The following NUBPL variants were observed in gnomAD, a reference collection of about 807,000 sequenced individuals.
The protein encoded by NUBPL is iron-sulfur cluster transfer protein NUBPL.
In NUBPL, 31 loss-of-function variants were observed where a neutral mutation model predicts 45.7. That is an observed-to-expected ratio of 0.68 (90% confidence interval 0.51 to 0.92). The LOEUF (loss-of-function observed/expected upper bound fraction) is 0.92. Ranked by LOEUF, NUBPL falls within the 40% of genes least tolerant of loss-of-function variation. NUBPL has a pLI of 0.00. For synonymous variants in NUBPL, 144 were observed against 140.9 expected, an observed-to-expected ratio of 1.02 and a Z score of -0.15; for missense variants, 401 against 398.7, an observed-to-expected ratio of 1.01 and a Z score of -0.05.
At chr14:31,844,615 T>A (rs936006569) in intron 8 of NUBPL, 1 of 150,318 alleles carries the variant, frequency 6.7e-6, no homozygotes, top group African/African-American at 2.4e-5. Flanking sequence ...CAACTTTAGT[T>A]TTTTCTATTT....
intron 3 of NUBPL, among the ~76,000 whole-genome samples, chr14:31,566,425 G>A (rs2033435218): frequency 2.6e-5 from 4 of 152,092 alleles, no homozygotes; most frequent in African/African-American, 9.7e-5. Context: ...AGAAAGAGAA[G>A]ATTCAAATAT....
intron 2 of NUBPL, among the ~76,000 whole-genome samples, chr14:31,564,152 G>A (rs1180889227): frequency 6.6e-6 from 1 of 152,170 alleles, no homozygotes; most frequent in East Asian, 1.9e-4. Flanking sequence ...TTGTTGATCA[G>A]TCTTTGAATT....
At chr14:31,580,584 A>T (rs1427676953) in intron 3 of NUBPL, among the ~76,000 whole-genome samples, 1 of 152,228 alleles carries the variant, frequency 6.6e-6, no homozygotes. Context: ...ACTGTGCTAC[A>T]GCCTGGGCAA....
chr14:31,813,438 TAC>T (rs34598831), intron 7 of NUBPL, among the ~76,000 whole-genome samples: 14,423 of 148,168 alleles, frequency 0.097, 684 homozygotes, highest in East Asian at 0.11. Flanking sequence ...TTTTTTGCTA[TAC>T]ACACACACAC....
intron 9 of NUBPL, among the ~76,000 whole-genome samples, chr14:31,848,080 T>C (rs960820521): frequency 4.6e-5 from 7 of 152,240 alleles, no homozygotes; most frequent in Non-Finnish European, 1.0e-4. Flanking sequence ...AACAATGGTA[T>C]GTATGGAAGT....
intron 4 of NUBPL, among the ~76,000 whole-genome samples, chr14:31,613,829 C>T (rs116188386): frequency 6.6e-6 from 1 of 152,080 alleles, no homozygotes; most frequent in East Asian, 1.9e-4. Flanking sequence ...GTGATTATTA[C>T]ACATTGTATG....
intron 3 of NUBPL, among the ~76,000 whole-genome samples, chr14:31,565,324 G>C (rs765366612): frequency 3.9e-5 from 6 of 152,072 alleles, no homozygotes; most frequent in Non-Finnish European, 7.4e-5. Flanking sequence ...ATTTACAGAA[G>C]CATTATTCTG....
At chr14:31,666,387 C>T (rs2036428107) in intron 4 of NUBPL, among the ~76,000 whole-genome samples, 1 of 151,646 alleles carries the variant, frequency 6.6e-6, no homozygotes, top group African/African-American at 2.4e-5. Flanking sequence ...GCTACAGCCT[C>T]CTGAGTAGCT....
intron 4 of NUBPL, among the ~76,000 whole-genome samples, chr14:31,646,748 A>G (rs1316936026): frequency 6.6e-6 from 1 of 151,722 alleles, no homozygotes; most frequent in Non-Finnish European, 1.5e-5. Flanking sequence ...GGATATTTAT[A>G]TCTTTGTAGC....
At chr14:31,656,636 CA>C (rs1764300548) in intron 4 of NUBPL, among the ~76,000 whole-genome samples, 1 of 152,114 alleles carries the variant, frequency 6.6e-6, no homozygotes, top group Non-Finnish European at 1.5e-5. Context: ...AACACACACA[CA>C]ACATATATTG....
intron 6 of NUBPL, among the ~76,000 whole-genome samples, chr14:31,729,330 A>G (rs1366157116): frequency 2.8e-5 from 4 of 141,032 alleles, no homozygotes; most frequent in African/African-American, 1.0e-4. Context: ...CTTACCCCAG[A>G]CACCATATGC....
intron 6 of NUBPL, among the ~76,000 whole-genome samples, chr14:31,716,855 G>A (rs2037700164): frequency 6.6e-6 from 1 of 152,124 alleles, no homozygotes; most frequent in Admixed American, 6.6e-5. Context: ...CTAAAATCCT[G>A]AGTGTCACCC....
chr14:31,625,763 A>G (rs1180974448), intron 4 of NUBPL, among the ~76,000 whole-genome samples: 1 of 152,168 alleles, frequency 6.6e-6, no homozygotes, highest in Non-Finnish European at 1.5e-5. Context: ...GGCATAAGCC[A>G]CTGTGCCCGG....
intron 4 of NUBPL, among the ~76,000 whole-genome samples, chr14:31,656,817 A>T (rs985492215): frequency 2.6e-5 from 4 of 152,226 alleles, no homozygotes; most frequent in Admixed American, 2.6e-4. Flanking sequence ...TATTGGAAAA[A>T]TGGCACCAAT....
intron 4 of NUBPL, among the ~76,000 whole-genome samples, chr14:31,638,783 C>A (rs577101116): frequency 5.3e-5 from 8 of 151,972 alleles, no homozygotes; most frequent in Admixed American, 5.2e-4. Context: ...AGGCTTTGTT[C>A]GTTTCTATTC....
At chr14:31,582,371 A>G (rs1004278738) in intron 3 of NUBPL, among the ~76,000 whole-genome samples, 3 of 139,834 alleles carry the variant, frequency 2.1e-5, no homozygotes, top group Non-Finnish European at 4.6e-5. Flanking sequence ...GGATGTTTTC[A>G]GGAAAATTTG....
At chr14:31,719,533 C>G (rs1182130510) in intron 6 of NUBPL, among the ~76,000 whole-genome samples, 2 of 151,848 alleles carry the variant, frequency 1.3e-5, no homozygotes, top group African/African-American at 4.8e-5. Flanking sequence ...TGAATTTAGT[C>G]TCCCATAAAG....
Position 31,585,670 on chromosome 14 carries a change from T to A in NUBPL, c.292-13619T>A, listed in dbSNP as rs191212503. Among the ~76,000 whole-genome samples, 23 of 152,338 alleles carry A rather than the reference T, an allele frequency of 1.5e-4. No homozygotes were observed. In the East Asian group the frequency reaches 2.1e-3, roughly 14 times the overall value. On this transcript the variant is annotated intron_variant, in intron 3 of 10. Transcript: ENST00000281081. ...ATTTCACATTCCCACTTGCAGTGTG[T>A]GAGGATTTGATTTTCTCTATATCCT...
chr14:31,760,162 A>T (rs1445385124), intron 6 of NUBPL, among the ~76,000 whole-genome samples: 4 of 102,264 alleles, frequency 3.9e-5, no homozygotes, highest in Admixed American at 3.8e-4. Context: ...AGAGAGAGAG[A>T]GAGAGAGAGA....
Sources: gnomAD v4.1 joint callset for allele counts (sites outside exome capture counted in the v4.1 genomes callset) on GRCh38, gnomAD v4.1.1 for gene constraint, MANE v1.5 for transcripts, NCBI Gene and HGNC (gene_info 2026-07-23, HGNC 2026-07-21) for gene names.